Variants in CACNB2 observed in about 807,000 individuals in gnomAD.
CACNB2 encodes the protein calcium voltage-gated channel auxiliary subunit beta 2.
Under a neutral mutation model 73.3 loss-of-function variants are expected in CACNB2, and 42 were observed. The ratio of observed to expected loss-of-function variants is 0.57; its 90% CI spans 0.45 to 0.74. The LOEUF is 0.74. CACNB2 is among the 30% of genes least tolerant of loss of function. The pLI is 0.00. For synonymous variants in CACNB2, 348 were observed against 310.3 expected (o/e 1.12, Z -1.28); for missense variants, 940 against 853.0 (o/e 1.10, Z -1.27).
intron 2 of CACNB2, among the ~76,000 whole-genome samples, chr10:18,192,059 G>A (rs1035134561): frequency 5.3e-5 from 8 of 151,372 alleles, no homozygotes; most frequent in African/African-American, 1.9e-4. Context: ...AAGACTTGAG[G>A]CAGGAATCTA....
intron 2 of CACNB2, among the ~76,000 whole-genome samples, chr10:18,299,435 A>C (rs1448353495): frequency 6.6e-6 from 1 of 152,134 alleles, no homozygotes; most frequent in Non-Finnish European, 1.5e-5. Context: ...GCGTGGCTGC[A>C]CCTCTGGCCT....
chr10:18,145,825 G>GCCTGTCTTA (rs962639963), intron 1 of CACNB2, among the ~76,000 whole-genome samples: 4 of 152,156 alleles, frequency 2.6e-5, no homozygotes, highest in African/African-American at 9.7e-5. Context: ...AAGGAACCGG[G>GCCTGTCTTA]CCTGTCTTAC....
chr10:18,228,700 T>G (rs961071124), intron 2 of CACNB2, among the ~76,000 whole-genome samples: 4 of 151,534 alleles, frequency 2.6e-5, no homozygotes, highest in African/African-American at 9.7e-5. Flanking sequence ...GTGTCAGTTT[T>G]GTTGTGAGTG....
At chr10:18,439,287 G>A (rs2046301453) in intron 3 of CACNB2, among the ~76,000 whole-genome samples, 1 of 152,172 alleles carries the variant, frequency 6.6e-6, no homozygotes, top group Non-Finnish European at 1.5e-5. Context: ...ATTTTAGTAA[G>A]GTGTGTTTCT....
chr10:18,236,309 C>G (rs2036443211), intron 2 of CACNB2, among the ~76,000 whole-genome samples: 1 of 152,214 alleles, frequency 6.6e-6, no homozygotes, highest in Non-Finnish European at 1.5e-5. Flanking sequence ...GCACGATCGG[C>G]TGCTACAGTA....
intron 2 of CACNB2, among the ~76,000 whole-genome samples, chr10:18,353,380 A>G (rs1283561149): frequency 6.6e-6 from 1 of 151,324 alleles, no homozygotes; most frequent in Non-Finnish European, 1.5e-5. Flanking sequence ...GCTGCACTCT[A>G]GCCTGGGCAA....
chr10:18,524,356 A>G (rs1341072346), intron 9 of CACNB2, among the ~76,000 whole-genome samples: 3 of 152,146 alleles, frequency 2.0e-5, no homozygotes, highest in Non-Finnish European at 4.4e-5. Flanking sequence ...CAGTCTTACT[A>G]GAAATCAGTA....
At chr10:18,361,666 G>A (rs1337060471) in intron 2 of CACNB2, among the ~76,000 whole-genome samples, 1 of 146,862 alleles carries the variant, frequency 6.8e-6, no homozygotes, top group Admixed American at 6.9e-5. Context: ...CGGCTGGAGT[G>A]CAAGTGGCAT....
chr10:18,286,413 G>T (rs977122565), intron 2 of CACNB2, among the ~76,000 whole-genome samples: 1 of 150,844 alleles, frequency 6.6e-6, no homozygotes, highest in Non-Finnish European at 1.5e-5. Flanking sequence ...AGCTACTCGG[G>T]AGGCTGAGGC....
At chr10:18,417,977 A>G (rs2045091650) in intron 3 of CACNB2, among the ~76,000 whole-genome samples, 1 of 152,356 alleles carries the variant, frequency 6.6e-6, no homozygotes, top group South Asian at 2.1e-4. Flanking sequence ...ATAAAGTTAG[A>G]TGTAACAATT....
chr10:18,150,853 G>GTGTTTTTTTTTTTTTTTTTTTTTT, intron 1 of CACNB2, 30 bp from the exon 2 acceptor site: 1 of 655,042 alleles, frequency 1.5e-6, no homozygotes, highest in Non-Finnish European at 2.1e-6. Flanking sequence ...AATCTTATTT[G>GTGTTTTTTTTTTTTTTTTTTTTTT]TCTTTTTTTT....
intron 2 of CACNB2, among the ~76,000 whole-genome samples, chr10:18,196,965 T>C (rs2034652445): frequency 6.6e-6 from 1 of 152,078 alleles, no homozygotes; most frequent in African/African-American, 2.4e-5. Flanking sequence ...GTTGGGCTTC[T>C]TTCTCCTCTC....
intron 9 of CACNB2, among the ~76,000 whole-genome samples, chr10:18,525,933 C>G (rs1039065198): frequency 6.6e-6 from 1 of 152,152 alleles, no homozygotes; most frequent in African/African-American, 2.4e-5. Flanking sequence ...GTTCTAGTCT[C>G]ATAGATAAAA....
chr10:18,166,296 C>T (rs1297830984), intron 2 of CACNB2, among the ~76,000 whole-genome samples: 1 of 151,894 alleles, frequency 6.6e-6, no homozygotes. Flanking sequence ...GTAGTTCTAT[C>T]CCAGGCTGAA....
intron 2 of CACNB2, among the ~76,000 whole-genome samples, chr10:18,399,201 A>G (rs1256785517): frequency 6.6e-6 from 1 of 152,128 alleles, no homozygotes; most frequent in Admixed American, 6.6e-5. Context: ...ATGGGGTATA[A>G]TTATGCTTCC....
At chr10:18,443,068 C>T (rs1480232808) in intron 3 of CACNB2, among the ~76,000 whole-genome samples, 1 of 144,746 alleles carries the variant, frequency 6.9e-6, no homozygotes, top group African/African-American at 2.5e-5. Context: ...TAATTTTCTG[C>T]AGTATGAAGG....
At position 18,449,112 on chromosome 10, in the gene CACNB2, C is replaced by T. The variant is rs182200147; in HGVS notation, c.333+47069C>T. Among the ~76,000 whole-genome samples, 19 of 152,228 alleles carry T rather than the reference C, an allele frequency of 1.2e-4. No homozygotes were observed. The East Asian group carries it at 1.7e-3, about 14-fold the overall frequency. ...GCTAAAACGAGAACGTGCCCAGGTG[C>T]GGTGGCTCACGCCTGTAATCCCAGC... is the stretch of plus-strand genomic sequence containing the variant. On this transcript the variant is annotated intron_variant, in intron 3 of 13. Coordinates refer to ENST00000324631, the MANE Select transcript of CACNB2 (RefSeq NM_201596.3).
intron 2 of CACNB2, among the ~76,000 whole-genome samples, chr10:18,317,643 G>A (rs548050792): frequency 6.6e-6 from 1 of 152,180 alleles, no homozygotes; most frequent in Non-Finnish European, 1.5e-5. Context: ...CCAGCAACAG[G>A]TGCCTGGGTT....
At chr10:18,293,400 C>T (rs754151878) in intron 2 of CACNB2, among the ~76,000 whole-genome samples, 1 of 152,136 alleles carries the variant, frequency 6.6e-6, no homozygotes, top group African/African-American at 2.4e-5. Flanking sequence ...TACTTTCTGC[C>T]AGCACATAAA....
Sources: gnomAD v4.1 joint callset for allele counts (sites outside exome capture counted in the v4.1 genomes callset) on GRCh38, gnomAD v4.1.1 for gene constraint, MANE v1.5 for transcripts, NCBI Gene and HGNC (gene_info 2026-07-23, HGNC 2026-07-21) for gene names.